The following PTPRT variants were observed in gnomAD, a reference collection of about 807,000 sequenced individuals.
The protein encoded by PTPRT is receptor-type tyrosine-protein phosphatase T.
A neutral mutation model predicts 176.8 loss-of-function variants in PTPRT; 56 were observed. The observed-to-expected ratio is 0.32, with a 90% CI of 0.26 to 0.40. PTPRT has a LOEUF of 0.40. PTPRT is among the 10% of genes least tolerant of loss of function. The pLI, the probability that PTPRT is intolerant of heterozygous loss-of-function variation, is 1.00. For synonymous variants in PTPRT, 783 were observed against 739.0 expected, an observed-to-expected ratio of 1.06 and a Z score of -0.96; for missense variants, 1,540 against 1,908.2, an observed-to-expected ratio of 0.81 and a Z score of 3.60.
intron 1 of PTPRT, among the ~76,000 whole-genome samples, chr20:43,054,296 G>C (rs1044511510): frequency 6.6e-6 from 1 of 152,128 alleles, no homozygotes; most frequent in Admixed American, 6.5e-5. Context: ...GCTCACACCT[G>C]TAATCCCAGC....
chr20:42,567,742 G>A (rs927779059), intron 7 of PTPRT, among the ~76,000 whole-genome samples: 2 of 152,102 alleles, frequency 1.3e-5, no homozygotes, highest in East Asian at 1.9e-4. Flanking sequence ...CAGATGTAGG[G>A]GATGATTAAT....
chr20:42,871,076 G>A (rs1299681583), intron 2 of PTPRT, among the ~76,000 whole-genome samples: 1 of 151,510 alleles, frequency 6.6e-6, no homozygotes, highest in African/African-American at 2.4e-5. Flanking sequence ...TCAGCCTCGT[G>A]AGTAGCTGGG....
intron 1 of PTPRT, among the ~76,000 whole-genome samples, chr20:43,080,747 A>G (rs906826517): frequency 1.3e-5 from 2 of 152,260 alleles, no homozygotes; most frequent in Non-Finnish European, 2.9e-5. Flanking sequence ...ATGCAGGTCC[A>G]GAGCTCTTAC....
At chr20:42,665,187 T>C (rs1458052643) in intron 7 of PTPRT, among the ~76,000 whole-genome samples, 3 of 151,968 alleles carry the variant, frequency 2.0e-5, no homozygotes, top group African/African-American at 7.3e-5. Flanking sequence ...AGAAAATTTT[T>C]GCAATCTACT....
chr20:42,430,894 TA>T (rs2059210819), intron 9 of PTPRT, among the ~76,000 whole-genome samples: 2 of 152,134 alleles, frequency 1.3e-5, no homozygotes, highest in Admixed American at 1.3e-4. Context: ...ATGACTGGCA[TA>T]AAAACTCAAC....
rs188744251 is a variant in PTPRT, at chr20:42,865,389, T to A, written c.214+20418A>T. 2.0e-3 allele frequency among the ~76,000 whole-genome samples: 307 copies of A among 152,286 alleles called. 3 individuals are homozygous for A. The Middle Eastern group carries it at 0.054, about 27-fold the overall frequency. On this transcript the variant is annotated intron_variant, in intron 2 of 30. Transcript: ENST00000373187. ...AGCCACCTCAGATTTTCTGTTTCCT[T>A]TAAATCTGTTTCCAAATAGCTGAAC...
chr20:42,501,706 T>C (rs985603787), intron 7 of PTPRT, among the ~76,000 whole-genome samples: 5 of 152,210 alleles, frequency 3.3e-5, no homozygotes, highest in African/African-American at 1.2e-4. Flanking sequence ...GGTTTTTACA[T>C]AGAAAGTTTG....
intron 17 of PTPRT, among the ~76,000 whole-genome samples, chr20:42,142,647 T>C (rs1320276977): frequency 1.3e-5 from 2 of 152,218 alleles, no homozygotes; most frequent in African/African-American, 4.8e-5. Flanking sequence ...ACATACTATG[T>C]TTTTTCTTAT....
chr20:42,231,217 T>C (rs1001771105), intron 15 of PTPRT, among the ~76,000 whole-genome samples: 2 of 152,238 alleles, frequency 1.3e-5, no homozygotes, highest in African/African-American at 2.4e-5. Context: ...ATTTGGTACC[T>C]GGCTCTTCTT....
chr20:42,934,413 A>G (rs566481154), intron 1 of PTPRT, among the ~76,000 whole-genome samples: 20 of 152,344 alleles, frequency 1.3e-4, no homozygotes, highest in African/African-American at 4.3e-4. Flanking sequence ...GCAGTTTAAA[A>G]CAGTATACAT....
At chr20:42,825,388 A>G (rs2077974846) in intron 2 of PTPRT, among the ~76,000 whole-genome samples, 1 of 152,162 alleles carries the variant, frequency 6.6e-6, no homozygotes, top group Non-Finnish European at 1.5e-5. Flanking sequence ...ATATGATATA[A>G]TTTAATTGAT....
intron 1 of PTPRT, among the ~76,000 whole-genome samples, chr20:43,102,688 A>G (rs1192988984): frequency 6.6e-6 from 1 of 152,050 alleles, no homozygotes; most frequent in African/African-American, 2.4e-5. Flanking sequence ...ACTTCCTTAT[A>G]CCTTGGTGGG....
chr20:42,438,964 C>T (rs938704870), intron 9 of PTPRT, among the ~76,000 whole-genome samples: 1 of 152,196 alleles, frequency 6.6e-6, no homozygotes, highest in African/African-American at 2.4e-5. Context: ...TACATAAATG[C>T]AAGTCACTCA....
At chr20:42,275,216 C>A (rs952820281) in intron 13 of PTPRT, among the ~76,000 whole-genome samples, 2 of 152,226 alleles carry the variant, frequency 1.3e-5, no homozygotes, top group African/African-American at 4.8e-5. Flanking sequence ...TTAATCCCTC[C>A]TCAAACATCA....
intron 2 of PTPRT, among the ~76,000 whole-genome samples, chr20:42,795,290 T>A (rs1052448735): frequency 6.6e-6 from 1 of 152,174 alleles, no homozygotes; most frequent in Non-Finnish European, 1.5e-5. Context: ...CAGGAAGTAC[T>A]CTCTGGCTGG....
chr20:42,219,428 C>T (rs2055834905), intron 15 of PTPRT, among the ~76,000 whole-genome samples: 1 of 152,128 alleles, frequency 6.6e-6, no homozygotes, highest in Non-Finnish European at 1.5e-5. Context: ...AAGCCTGACT[C>T]CCCCTGCGCC....
intron 1 of PTPRT, among the ~76,000 whole-genome samples, chr20:42,967,786 C>T (rs563323978): frequency 2.0e-5 from 3 of 151,790 alleles, no homozygotes; most frequent in Admixed American, 6.6e-5. Context: ...TCATTGCCCT[C>T]GCTGCCTTCA....
chr20:43,168,992 T>A (rs941536066), intron 1 of PTPRT, among the ~76,000 whole-genome samples: 7 of 152,156 alleles, frequency 4.6e-5, no homozygotes, highest in Non-Finnish European at 1.5e-5. Context: ...TTAAAAATGA[T>A]CCACAAACTT....
intron 12 of PTPRT, among the ~76,000 whole-genome samples, chr20:42,306,063 C>G (rs901153631): frequency 6.6e-6 from 1 of 152,160 alleles, no homozygotes; most frequent in African/African-American, 2.4e-5. Context: ...TTTGGGTAAC[C>G]TTCATCTCCC....
Sources: gnomAD v4.1 joint callset for allele counts (sites outside exome capture counted in the v4.1 genomes callset) on GRCh38, gnomAD v4.1.1 for gene constraint, MANE v1.5 for transcripts, NCBI Gene and HGNC (gene_info 2026-07-23, HGNC 2026-07-21) for gene names.